TUT7: variants seen among roughly 807,000 people sequenced by gnomAD.
TUT7 encodes the protein terminal uridylyl transferase 7.
Under a neutral mutation model 165.9 loss-of-function variants are expected in TUT7, and 33 were observed. The ratio of observed to expected loss-of-function variants is 0.20; its 90% confidence interval spans 0.15 to 0.27. TUT7 has a LOEUF of 0.27. TUT7 is among the 10% of genes least tolerant of loss of function. The probability of loss-of-function intolerance (pLI) is 1.00; values close to 1 mark genes in which losing one functional copy is unlikely to be tolerated. For synonymous variants in TUT7, 552 were observed against 608.1 expected, an observed-to-expected ratio of 0.91 and a Z score of 1.36; for missense variants, 1,338 against 1,762.3, an observed-to-expected ratio of 0.76 and a Z score of 4.31.
chr9:86,352,117 C>A (rs1392380733), intron 2 of TUT7, among the ~76,000 whole-genome samples: 2 of 152,016 alleles, frequency 1.3e-5, no homozygotes, highest in Non-Finnish European at 2.9e-5. Context: ...TGTTTCTCAA[C>A]CTGTTTGTCA....
At chr9:86,327,820 C>T (rs952346720) in intron 11 of TUT7, among the ~76,000 whole-genome samples, 3 of 152,186 alleles carry the variant, frequency 2.0e-5, no homozygotes, top group Admixed American at 1.3e-4. Flanking sequence ...CAAAAGGTAA[C>T]GGGAAGATCA....
rs780950255 is a variant in TUT7 at position 86,322,862 on chromosome 9, G to A, written c.2877+11C>T. 6.3e-7 allele frequency: 1 copy of A among 1,578,540 alleles called. No homozygotes were observed. Among genetic ancestry groups the A allele is most frequent in the Non-Finnish European group, 8.6e-7 (1 of 1,165,520 alleles). The stretch of plus-strand genomic sequence containing the variant: ...TCTCCTAGTTCTATGACTAGTGGTG[G>A]TACTGATTACCTTGCCTTTGGTGAA... On this transcript the variant is annotated intron_variant, in intron 13 of 26. Transcript: ENST00000375963.
At chr9:86,337,823 T>C (rs1830949024) in intron 9 of TUT7, among the ~76,000 whole-genome samples, 4 of 152,244 alleles carry the variant, frequency 2.6e-5, no homozygotes, top group African/African-American at 4.8e-5. Flanking sequence ...TTGATATCCA[T>C]GGTCAATTCA....
chr9:86,300,033 G>A (rs1482278085), intron 26 of TUT7, among the ~76,000 whole-genome samples: 1 of 152,138 alleles, frequency 6.6e-6, no homozygotes, highest in Non-Finnish European at 1.5e-5. Context: ...AATGCTCAAT[G>A]AATGTTAGCA....
chr9:86,337,439 G>C lies in TUT7; in HGVS notation c.1435C>G (p.Pro479Ala), dbSNP rs752730875. 6.2e-7 allele frequency: 1 copy of C among 1,613,610 alleles called. No individual in the cohort carries two copies. Among genetic ancestry groups the C allele is most frequent in the Non-Finnish European group, 8.5e-7 (1 of 1,179,768 alleles). Reference protein sequence around the residue: ...FLQQRKEPLLPVYLGSWIEGF... With the variant: ...FLQQRKEPLLAVYLGSWIEGF... Reference sequence around the variant, plus strand: ...TATACCCATGATCCTAGATATACAGGCAAAAGGGGTTCTTTCCTCTGCTGA... The same window carrying C: ...TATACCCATGATCCTAGATATACAGCCAAAAGGGGTTCTTTCCTCTGCTGA... The change falls in exon 10 of 27, where the codon CCT becomes GCT. Residue 479 changes from proline (P) to alanine (A), a missense_variant. By Grantham distance (27) the Pro-to-Ala change is conservative. This residue lies in a region of TUT7 where 74 missense variants were observed against 128.5 expected (regional missense o/e 0.58). Transcript: ENST00000375963.
intron 26 of TUT7, among the ~76,000 whole-genome samples, chr9:86,297,921 CT>C (rs59651352): frequency 3.1e-4 from 27 of 86,490 alleles, no homozygotes; most frequent in Middle Eastern, 8.8e-3. Flanking sequence ...GCCTGCTCCA[CT>C]TTTTTTTTTT....
chr9:86,305,106 G>A, intron 23 of TUT7, 86 bp downstream of exon 23: 2 of 1,332,566 alleles, frequency 1.5e-6, no homozygotes, highest in Non-Finnish European at 2.1e-6. Context: ...GACCAGCCTG[G>A]GCAATAAAAG....
intron 1 of TUT7, 88 bp from the exon 2 acceptor site, chr9:86,353,318 C>T (rs1388285628): frequency 1.0e-5 from 11 of 1,076,686 alleles, no homozygotes; most frequent in Non-Finnish European, 1.2e-5. Context: ...TACAGATGCC[C>T]CAAAGCCTGT....
chr9:86,347,689 T>A (rs527978948), intron 2 of TUT7, among the ~76,000 whole-genome samples: 13 of 152,228 alleles, frequency 8.5e-5, no homozygotes, highest in South Asian at 6.2e-4. Flanking sequence ...TAAAAAAAAT[T>A]AAAGTGTTGG....
rs1190633569 is a variant in TUT7 at position 86,304,953 on chromosome 9, A to G, written c.3887-6T>C. On this transcript the variant is annotated splice_region_variant and splice_polypyrimidine_tract_variant and intron_variant, in intron 23 of 26. Transcript: ENST00000375963. ...CTTCATTATAAAATTTGTCACTAAA[A>G]AGAAGAGTAAGAACTCACTTAGGCG... 6.4e-7 allele frequency: 1 copy of G among 1,570,194 alleles called. No homozygotes were observed. The highest frequency in any genetic ancestry group is 1.4e-5 in the African/African-American group (1 of 73,538).
Position 86,353,112 on chromosome 9 carries a change from G to C in TUT7, c.88C>G (p.Gln30Glu), listed in dbSNP as rs149202228. ...DDDDFRRGHP[Q>E]QDYLIIDDHA... ...TCATCTATTATTAAATAATCTTGTT[G>C]GGGGTGACCCCTTCTGAAGTCATCA... The change falls in exon 2 of 27, where the codon CAA (glutamine) becomes GAA (glutamate). Residue 30 changes from glutamine (Q) to glutamate (E), a missense_variant. This residue lies in a region of TUT7 where 434 missense variants were observed against 480.8 expected (regional missense o/e 0.90). Transcript: ENST00000375963. 7 of 1,613,444 alleles carry C rather than the reference G, an allele frequency of 4.3e-6. No individual in the cohort carries two copies. The highest frequency in any genetic ancestry group is 3.3e-5 in the Admixed American group (2 of 59,898).
At position 86,328,508 on chromosome 9, in the gene TUT7, C is replaced by T; in HGVS notation, c.1456-16G>A. The T allele has an allele frequency of 6.3e-7, 1 of 1,590,524 alleles. No individual in the cohort carries two copies. The highest frequency in any genetic ancestry group is 8.6e-7 in the Non-Finnish European group (1 of 1,169,432). The stretch of plus-strand genomic sequence containing the variant: ...ATCCTTCAATCTAGGAAAAATTAGA[C>T]ACATGCTAAAATAAGATAGAAATAA... On this transcript the variant is annotated splice_polypyrimidine_tract_variant and intron_variant, in intron 10 of 26. Coordinates refer to ENST00000375963, the MANE Select transcript of TUT7 (RefSeq NM_024617.4).
chr9:86,309,219 T>C lies in TUT7; in HGVS notation c.3653A>G (p.Asp1218Gly). ...GWNIYFFDQI[D>G]ELPTYWSECG... ...TACTCTTAAAATACGTACCAGTTCA[T>C]CTATTTGATCAAAAAAATAAATATT... Residue 1218 changes from aspartate (D) to glycine (G), a missense_variant, in exon 21 of 27, where the codon GAT becomes GGT. Physicochemically the swap from Asp to Gly is moderately conservative, Grantham distance 94 (BLOSUM62 -1). Around this residue, in one of 7 missense-constraint regions of TUT7, gnomAD observed 157 missense variants for 357.5 expected, o/e 0.44. Transcript: ENST00000375963. 6.4e-7 allele frequency: 1 copy of C among 1,566,294 alleles called. No individual in the cohort carries two copies. The highest frequency in any genetic ancestry group is 8.8e-7 in the Non-Finnish European group (1 of 1,141,304).
At chr9:86,325,752 G>T (rs1229211332) in intron 11 of TUT7, among the ~76,000 whole-genome samples, 1 of 152,188 alleles carries the variant, frequency 6.6e-6, no homozygotes, top group African/African-American at 2.4e-5. Flanking sequence ...CACAGGAATA[G>T]ACAGGATCAG....
chr9:86,291,656 T>C (rs1825908640), intron 26 of TUT7, among the ~76,000 whole-genome samples: 1 of 151,942 alleles, frequency 6.6e-6, no homozygotes, highest in Non-Finnish European at 1.5e-5. Context: ...CCAAAGTAGT[T>C]TTCATCCATC....
chr9:86,333,886 A>T (rs961183918), intron 10 of TUT7, among the ~76,000 whole-genome samples: 67 of 152,278 alleles, frequency 4.4e-4, no homozygotes, highest in African/African-American at 1.5e-3. Flanking sequence ...CAGCTGTCGT[A>T]GCTGAAAATT....
intron 2 of TUT7, among the ~76,000 whole-genome samples, chr9:86,351,616 C>T (rs1450820126): frequency 2.6e-5 from 4 of 152,084 alleles, no homozygotes; most frequent in Admixed American, 6.5e-5. Flanking sequence ...GTATTCTATA[C>T]GCATGGGACA....
intron 3 of TUT7, 143 bp downstream of exon 3, chr9:86,346,156 G>C (rs931892558): frequency 1.4e-6 from 1 of 706,802 alleles, no homozygotes; most frequent in Non-Finnish European, 2.3e-6. Flanking sequence ...AATCACACTG[G>C]ACATCACTTT....
intron 11 of TUT7, among the ~76,000 whole-genome samples, chr9:86,326,037 G>A (rs563440856): frequency 6.6e-6 from 1 of 152,308 alleles, no homozygotes; most frequent in Non-Finnish European, 1.5e-5. Flanking sequence ...ATCAGAAATT[G>A]ACACTGGTTT....
Sources: allele counts gnomAD v4.1 joint callset (sites outside exome capture counted in the v4.1 genomes callset), GRCh38; gene constraint gnomAD v4.1.1; regional missense constraint gnomAD v4.1.1; transcripts MANE v1.5; gene names NCBI Gene and HGNC (gene_info 2026-07-23, HGNC 2026-07-21).